Variants in PRICKLE2 observed in about 807,000 individuals in gnomAD.
The protein encoded by PRICKLE2 is prickle planar cell polarity protein 2.
Under a neutral mutation model 81.4 loss-of-function variants are expected in PRICKLE2, and 21 were observed. That is an observed-to-expected ratio of 0.26 (90% CI 0.18 to 0.37). The LOEUF is 0.37. Ranked by LOEUF, PRICKLE2 falls within the 10% of genes least tolerant of loss-of-function variation. The pLI, the probability that PRICKLE2 is intolerant of heterozygous loss-of-function variation, is 1.00. For missense variants in PRICKLE2, 940 were observed against 1,109.0 expected, an observed-to-expected ratio of 0.85 and a Z score of 2.16; for synonymous variants, 456 against 421.5, an observed-to-expected ratio of 1.08 and a Z score of -1.00.
At chr3:64,117,275 C>T (rs1207714769) in intron 7 of PRICKLE2, among the ~76,000 whole-genome samples, 1 of 152,144 alleles carries the variant, frequency 6.6e-6, no homozygotes, top group Non-Finnish European at 1.5e-5. Context: ...GAAGCATTCC[C>T]TTGAAAACCA....
chr3:64,245,579 G>C (rs2079335473), intron 2 of PRICKLE2, among the ~76,000 whole-genome samples: 1 of 152,194 alleles, frequency 6.6e-6, no homozygotes. Flanking sequence ...ACTTTAGGAG[G>C]TTGCACTGAG....
intron 7 of PRICKLE2, among the ~76,000 whole-genome samples, chr3:64,120,558 C>T (rs1434970027): frequency 2.0e-5 from 3 of 152,110 alleles, no homozygotes; most frequent in Non-Finnish European, 4.4e-5. Flanking sequence ...GCAAGTCGCC[C>T]AGGGATCTTC....
chr3:64,253,179 T>C (rs1156508761), intron 2 of PRICKLE2, among the ~76,000 whole-genome samples: 2 of 152,236 alleles, frequency 1.3e-5, no homozygotes, highest in Non-Finnish European at 2.9e-5. Flanking sequence ...CTAATGACTT[T>C]AATGTGCTTT....
chr3:64,179,106 C>A (rs545689264), intron 2 of PRICKLE2, among the ~76,000 whole-genome samples: 1 of 150,694 alleles, frequency 6.6e-6, no homozygotes, highest in African/African-American at 2.4e-5. Context: ...GACTGAGTTT[C>A]GCTCTTGTCA....
At chr3:64,166,866 C>T (rs1214866712) in intron 2 of PRICKLE2, among the ~76,000 whole-genome samples, 2 of 152,190 alleles carry the variant, frequency 1.3e-5, no homozygotes, top group African/African-American at 4.8e-5. Context: ...ACGCATCCCT[C>T]TAATGTTAGC....
chr3:64,224,107 G>A (rs370009277), intron 1 of PRICKLE2, among the ~76,000 whole-genome samples: 1 of 152,176 alleles, frequency 6.6e-6, no homozygotes, highest in African/African-American at 2.4e-5. Context: ...AGCCACATTT[G>A]GACCAGCGGA....
intron 7 of PRICKLE2, among the ~76,000 whole-genome samples, chr3:64,114,766 G>A (rs1318757511): frequency 1.3e-5 from 2 of 152,174 alleles, no homozygotes; most frequent in African/African-American, 4.8e-5. Flanking sequence ...CCTTGAAAGA[G>A]ATGGGGAGAA....
intron 4 of PRICKLE2, among the ~76,000 whole-genome samples, chr3:64,159,125 C>G (rs879913265): frequency 1.3e-5 from 2 of 152,158 alleles, no homozygotes. Context: ...TCAACAGGAG[C>G]AGAGGAGACA....
intron 2 of PRICKLE2, among the ~76,000 whole-genome samples, chr3:64,172,733 C>A (rs1331359994): frequency 6.6e-6 from 1 of 152,124 alleles, no homozygotes; most frequent in Non-Finnish European, 1.5e-5. Context: ...ATCCCTAACC[C>A]CTATGTGTGA....
At chr3:64,235,868 G>A (rs2079172774) in intron 2 of PRICKLE2, among the ~76,000 whole-genome samples, 1 of 152,104 alleles carries the variant, frequency 6.6e-6, no homozygotes, top group Non-Finnish European at 1.5e-5. Flanking sequence ...TGGAGAAAGA[G>A]CCCAATCTGC....
chr3:64,200,826 A>G (rs2078560617), intron 1 of PRICKLE2: 1 of 152,184 alleles, frequency 6.6e-6, no homozygotes, highest in Non-Finnish European at 1.5e-5. Context: ...CATGTTGGCC[A>G]GGCTGGTCTT....
At chr3:64,242,133 G>A (rs2107171894) in intron 2 of PRICKLE2, among the ~76,000 whole-genome samples, 1 of 152,102 alleles carries the variant, frequency 6.6e-6, no homozygotes, top group East Asian at 1.9e-4. Context: ...GTCTTATTTG[G>A]AGCCTTCCAC....
chr3:64,255,546 A>T (rs2079513649), intron 2 of PRICKLE2, among the ~76,000 whole-genome samples: 1 of 152,150 alleles, frequency 6.6e-6, no homozygotes, highest in Admixed American at 6.5e-5. Context: ...GGAGAGGGAG[A>T]GGAGAGCCTG....
At chr3:64,208,187 C>G (rs994850283) in intron 1 of PRICKLE2, among the ~76,000 whole-genome samples, 10 of 152,264 alleles carry the variant, frequency 6.6e-5, no homozygotes, top group Admixed American at 6.5e-4. Context: ...AGGACAGTGG[C>G]TGTTGTTAGC....
chr3:64,171,146 T>A (rs2077923819), intron 2 of PRICKLE2, among the ~76,000 whole-genome samples: 1 of 152,168 alleles, frequency 6.6e-6, no homozygotes, highest in Non-Finnish European at 1.5e-5. Context: ...CCCCAGATAT[T>A]TACATGGTGT....
intron 2 of PRICKLE2, among the ~76,000 whole-genome samples, chr3:64,260,621 T>A (rs1435009818): frequency 6.6e-6 from 1 of 152,216 alleles, no homozygotes; most frequent in Non-Finnish European, 1.5e-5. Context: ...AATGCCTGCA[T>A]TACTCTCCTC....
At chr3:64,163,255 A>G (rs1314367928) in intron 2 of PRICKLE2, 126 bp from the exon 3 acceptor site, 1 of 742,142 alleles carries the variant, frequency 1.3e-6, no homozygotes, top group Admixed American at 1.9e-5. Flanking sequence ...TCTTTATGAA[A>G]GTCAACAGCA....
At chr3:64,243,654 A>C (rs1575707170) in intron 2 of PRICKLE2, among the ~76,000 whole-genome samples, 1 of 152,212 alleles carries the variant, frequency 6.6e-6, no homozygotes. Context: ...CTGAGGATTA[A>C]AGGAGATTAT....
At chr3:64,101,863 T>G (rs1559507917) in intron 7 of PRICKLE2, 1 of 152,224 alleles carries the variant, frequency 6.6e-6, no homozygotes, top group Non-Finnish European at 1.5e-5. Context: ...TACACATTGC[T>G]TATTAGTTGC....
Sources: allele counts gnomAD v4.1 joint callset (sites outside exome capture counted in the v4.1 genomes callset), GRCh38; gene constraint gnomAD v4.1.1; transcripts MANE v1.5; gene names NCBI Gene and HGNC (gene_info 2026-07-23, HGNC 2026-07-21).